Variants in DENND1A observed in about 807,000 individuals in gnomAD.
The protein encoded by DENND1A is DENN domain containing 1A.
In DENND1A, 51 loss-of-function variants were observed where a neutral mutation model predicts 113.7. The observed-to-expected ratio is 0.45, with a 90% confidence interval of 0.36 to 0.57. The LOEUF (loss-of-function observed/expected upper bound fraction) is 0.57. DENND1A is among the 20% of genes least tolerant of loss of function. The pLI is 0.00. For synonymous variants in DENND1A, 565 were observed against 570.8 expected (o/e 0.99, Z 0.14); for missense variants, 1,258 against 1,395.9 (o/e 0.90, Z 1.57).
intron 5 of DENND1A, chr9:123,751,559 T>G (rs16926797): frequency 0.21 from 31,779 of 152,102 alleles, 4,050 homozygotes; most frequent in African/African-American, 0.37. Flanking sequence ...AAAAACATCA[T>G]CATCTCTAAT....
At chr9:123,565,592 C>T (rs1413361579) in intron 12 of DENND1A, among the ~76,000 whole-genome samples, 1 of 152,168 alleles carries the variant, frequency 6.6e-6, no homozygotes, top group African/African-American at 2.4e-5. Context: ...TTCTTCCTTA[C>T]CTGGATAAAG....
At chr9:123,861,846 A>G (rs1184005113) in intron 2 of DENND1A, among the ~76,000 whole-genome samples, 2 of 152,142 alleles carry the variant, frequency 1.3e-5, no homozygotes, top group East Asian at 1.9e-4. Flanking sequence ...CACAGTTAGG[A>G]GCAGCAAGAC....
chr9:123,504,202 T>C (rs1344082131), intron 13 of DENND1A, among the ~76,000 whole-genome samples: 1 of 152,200 alleles, frequency 6.6e-6, no homozygotes, highest in Non-Finnish European at 1.5e-5. Context: ...CCCTTCGCCA[T>C]CTGGTGAAAC....
intron 19 of DENND1A, among the ~76,000 whole-genome samples, chr9:123,427,495 C>T (rs546144709): frequency 3.5e-4 from 54 of 152,302 alleles, no homozygotes; most frequent in Non-Finnish European, 7.1e-4. Context: ...GTCTGCCATG[C>T]GCTAACCTGC....
chr9:123,680,952 G>C (rs1249646136), intron 5 of DENND1A, among the ~76,000 whole-genome samples: 1 of 152,158 alleles, frequency 6.6e-6, no homozygotes, highest in Admixed American at 6.5e-5. Flanking sequence ...AGACTCAGGT[G>C]AGGGGAGGAA....
intron 6 of DENND1A, among the ~76,000 whole-genome samples, chr9:123,674,338 TCTCTCACACA>T (rs1564925921): frequency 1.6e-5 from 2 of 126,110 alleles, no homozygotes; most frequent in African/African-American, 6.6e-5. Flanking sequence ...TCTCTGTCTC[TCTCTCACACA>T]CACACACACA....
chr9:123,468,259 T>G (rs1419675822), intron 13 of DENND1A, among the ~76,000 whole-genome samples: 1 of 152,196 alleles, frequency 6.6e-6, no homozygotes, highest in Non-Finnish European at 1.5e-5. Context: ...CGGGGACTGC[T>G]GGGGGATTAA....
At chr9:123,570,410 C>G (rs1298463945) in intron 12 of DENND1A, among the ~76,000 whole-genome samples, 1 of 152,072 alleles carries the variant, frequency 6.6e-6, no homozygotes, top group East Asian at 1.9e-4. Context: ...TATTATGGAG[C>G]CTGAATTTCA....
chr9:123,618,724 C>T (rs979869018), intron 10 of DENND1A, among the ~76,000 whole-genome samples: 2 of 152,170 alleles, frequency 1.3e-5, no homozygotes, highest in Non-Finnish European at 2.9e-5. Context: ...TAAAGGGACA[C>T]CTTGTCTTCT....
At chr9:123,766,367 A>T (rs2131576320) in intron 4 of DENND1A, among the ~76,000 whole-genome samples, 1 of 152,266 alleles carries the variant, frequency 6.6e-6, no homozygotes, top group Non-Finnish European at 1.5e-5. Flanking sequence ...GTCTGAGACC[A>T]TTTCCGTTAT....
At position 123,488,475 on chromosome 9, in the gene DENND1A, A is replaced by C. The variant is rs574563828; in HGVS notation, c.994-30578T>G. On this transcript the variant is annotated intron_variant, in intron 13 of 23. Transcript: ENST00000394215. ...CTGACAATTTGAAAAGTGGACCAGA[A>C]TTGTTTGGTCTAAATCATGAAATCA... is the stretch of plus-strand genomic sequence containing the variant. Among the ~76,000 whole-genome samples the C allele has an allele frequency of 9.2e-5, 14 of 152,366 alleles. No individual in the cohort carries two copies. The South Asian group carries it at 2.7e-3, about 29-fold the overall frequency.
At chr9:123,814,366 C>G (rs1166955421) in intron 2 of DENND1A, among the ~76,000 whole-genome samples, 1 of 152,022 alleles carries the variant, frequency 6.6e-6, no homozygotes, top group African/African-American at 2.4e-5. Flanking sequence ...TTTTTAACAG[C>G]ATTTCTTTGC....
At chr9:123,676,528 A>C (rs2064086503) in intron 6 of DENND1A, among the ~76,000 whole-genome samples, 192 bp downstream of exon 6, 1 of 152,178 alleles carries the variant, frequency 6.6e-6, no homozygotes, top group Non-Finnish European at 1.5e-5. Flanking sequence ...TGCTAGGAAT[A>C]TTTATTTTAG....
intron 5 of DENND1A, among the ~76,000 whole-genome samples, chr9:123,729,005 A>C (rs1385537939): frequency 1.3e-5 from 2 of 152,252 alleles, no homozygotes; most frequent in East Asian, 3.8e-4. Context: ...AACAGAACCA[A>C]TGACAAAATC....
chr9:123,796,784 C>T (rs1833848390), intron 2 of DENND1A, among the ~76,000 whole-genome samples: 1 of 151,940 alleles, frequency 6.6e-6, no homozygotes, highest in South Asian at 2.1e-4. Context: ...CACACACACA[C>T]ACACACATCT....
rs1214201905 is a variant in DENND1A, at chr9:123,866,016, C to T, written c.88+12935G>A. On this transcript the variant is annotated intron_variant, in intron 2 of 23. Coordinates refer to ENST00000394215, the MANE Select transcript of DENND1A (RefSeq NM_001352964.2). ...GGACGGCCATGATGAAAATATTTTT[C>T]ATTTTGGTCTGTGTATAAAATCTTT... 4.6e-5 allele frequency among the ~76,000 whole-genome samples: 7 copies of T among 152,280 alleles called. No individual in the cohort carries two copies. The South Asian group carries it at 1.4e-3, about 32-fold the overall frequency.
At chr9:123,464,807 G>T (rs896498984) in intron 13 of DENND1A, among the ~76,000 whole-genome samples, 3 of 151,696 alleles carry the variant, frequency 2.0e-5, no homozygotes, top group Non-Finnish European at 4.4e-5. Flanking sequence ...AGTGGAAGCT[G>T]GGAGATGGGT....
At chr9:123,856,111 A>T (rs1844147104) in intron 2 of DENND1A, among the ~76,000 whole-genome samples, 1 of 152,224 alleles carries the variant, frequency 6.6e-6, no homozygotes, top group Non-Finnish European at 1.5e-5. Flanking sequence ...GTCAATGGCA[A>T]TGAATTGGAT....
intron 5 of DENND1A, among the ~76,000 whole-genome samples, chr9:123,684,232 A>G (rs2064660404): frequency 6.6e-6 from 1 of 152,150 alleles, no homozygotes; most frequent in Non-Finnish European, 1.5e-5. Context: ...AAATTGTTCA[A>G]GAATCCTCTA....
Sources: gnomAD v4.1 joint callset for allele counts (sites outside exome capture counted in the v4.1 genomes callset) on GRCh38, gnomAD v4.1.1 for gene constraint, MANE v1.5 for transcripts, NCBI Gene and HGNC (gene_info 2026-07-23, HGNC 2026-07-21) for gene names.